Variants in PTPRG observed in about 807,000 individuals in gnomAD.
The protein encoded by PTPRG is receptor-type tyrosine-protein phosphatase gamma.
Under a neutral mutation model 165.3 loss-of-function variants are expected in PTPRG, and 102 were observed. That is an observed-to-expected ratio of 0.62 (90% CI 0.53 to 0.73). The LOEUF (loss-of-function observed/expected upper bound fraction) is 0.73. Ranked by LOEUF, PTPRG falls within the 30% of genes least tolerant of loss-of-function variation. The pLI, the probability that PTPRG is intolerant of heterozygous loss-of-function variation, is 0.00. For synonymous variants in PTPRG, 675 were observed against 669.5 expected, an observed-to-expected ratio of 1.01 and a Z score of -0.13; for missense variants, 1,866 against 1,861.4, an observed-to-expected ratio of 1.00 and a Z score of -0.05.
At chr3:61,869,469 G>A (rs962161823) in intron 2 of PTPRG, among the ~76,000 whole-genome samples, 1 of 152,056 alleles carries the variant, frequency 6.6e-6, no homozygotes, top group Non-Finnish European at 1.5e-5. Context: ...TTTCAAGATG[G>A]CTCCAGTGGC....
chr3:61,572,048 T>G (rs1403787926), intron 1 of PTPRG, among the ~76,000 whole-genome samples: 3 of 152,226 alleles, frequency 2.0e-5, no homozygotes, highest in Non-Finnish European at 4.4e-5. Flanking sequence ...TTTTGCAGTA[T>G]GCAAGTCAGA....
At chr3:61,733,572 A>T (rs1295251788) in intron 1 of PTPRG, among the ~76,000 whole-genome samples, 1 of 152,226 alleles carries the variant, frequency 6.6e-6, no homozygotes, top group Non-Finnish European at 1.5e-5. Context: ...ACCTATCACC[A>T]GCACCATTAC....
intron 5 of PTPRG, among the ~76,000 whole-genome samples, chr3:62,116,590 T>A (rs1222884135): frequency 1.3e-5 from 2 of 152,182 alleles, no homozygotes; most frequent in East Asian, 3.8e-4. Flanking sequence ...TTTCCATTAA[T>A]GCCTATGGAA....
intron 2 of PTPRG, among the ~76,000 whole-genome samples, chr3:61,871,351 C>T (rs1010983186): frequency 6.6e-6 from 1 of 151,988 alleles, no homozygotes; most frequent in South Asian, 2.1e-4. Flanking sequence ...CCTCAGCCTC[C>T]CAAGTAGATG....
At chr3:61,644,168 G>A (rs1029208444) in intron 1 of PTPRG, among the ~76,000 whole-genome samples, 1 of 152,182 alleles carries the variant, frequency 6.6e-6, no homozygotes, top group African/African-American at 2.4e-5. Flanking sequence ...TACTGTGTCA[G>A]GCCTCTGTCT....
rs867058723 is a variant in PTPRG, at chr3:62,222,207, A to G, written c.2288+3224A>G. On this transcript the variant is annotated intron_variant, in intron 13 of 29. Coordinates refer to ENST00000474889, the MANE Select transcript of PTPRG (RefSeq NM_002841.4). This position sits in a 1 kb window ranked among gnomAD's most constrained non-coding sequence, Gnocchi z 4.5. Reference sequence around the variant, plus strand: ...TCAAAATGCCTTAAAGCTCAAGGGGAAAAAAAAAAGTTTGATTCATGGAAT... The same window carrying G: ...TCAAAATGCCTTAAAGCTCAAGGGGGAAAAAAAAAGTTTGATTCATGGAAT... Among the ~76,000 whole-genome samples, 15 of 150,508 alleles carry G rather than the reference A, an allele frequency of 1.0e-4. No homozygotes were observed. Among genetic ancestry groups the G allele is most frequent in the Non-Finnish European group, 1.9e-4 (13 of 67,368 alleles).
chr3:61,810,384 A>G (rs2035538711), intron 2 of PTPRG, among the ~76,000 whole-genome samples: 2 of 152,198 alleles, frequency 1.3e-5, no homozygotes, highest in Non-Finnish European at 2.9e-5. Flanking sequence ...GATGACAGTA[A>G]AACCCTAAGA....
chr3:61,793,057 A>G lies in PTPRG; in HGVS notation c.190+44075A>G, dbSNP rs569978718. Among the ~76,000 whole-genome samples the G allele has an allele frequency of 5.3e-5, 8 of 152,316 alleles. No individual in the cohort carries two copies. The South Asian group carries it at 1.4e-3, about 28-fold the overall frequency. Reference sequence around the variant, plus strand: ...GAGAGTGGCACAAGAAATATAAGATAGGAAATATAAACAAGTGGAGGAAAG... The same window carrying G: ...GAGAGTGGCACAAGAAATATAAGATGGGAAATATAAACAAGTGGAGGAAAG... On this transcript the variant is annotated intron_variant, in intron 2 of 29. Transcript: ENST00000474889.
At chr3:61,968,406 C>G (rs1204862627) in intron 2 of PTPRG, among the ~76,000 whole-genome samples, 1 of 152,096 alleles carries the variant, frequency 6.6e-6, no homozygotes, top group Non-Finnish European at 1.5e-5. Context: ...GGATATGAAG[C>G]CCATCTGTGC....
intron 2 of PTPRG, among the ~76,000 whole-genome samples, chr3:61,917,470 A>G (rs1416915128): frequency 6.6e-6 from 1 of 152,002 alleles, no homozygotes; most frequent in African/African-American, 2.4e-5. Context: ...ATCACACCCT[A>G]CCTTAGTGTG....
At chr3:61,755,173 A>G (rs1449540066) in intron 2 of PTPRG, among the ~76,000 whole-genome samples, 1 of 151,860 alleles carries the variant, frequency 6.6e-6, no homozygotes, top group Non-Finnish European at 1.5e-5. Flanking sequence ...ACGCCCGACT[A>G]ATTTTTGTAT....
At chr3:62,223,298 T>A (rs965053871) in intron 13 of PTPRG, among the ~76,000 whole-genome samples, 7 of 152,176 alleles carry the variant, frequency 4.6e-5, no homozygotes, top group Admixed American at 3.9e-4. Flanking sequence ...AGCCTGGATT[T>A]GGAGCCACAC....
intron 15 of PTPRG, among the ~76,000 whole-genome samples, chr3:62,248,802 C>T (rs1289797594): frequency 4.6e-5 from 7 of 152,112 alleles, no homozygotes; most frequent in African/African-American, 1.2e-4. Flanking sequence ...AAGAGCATTA[C>T]AAAACAAAAT....
chr3:61,916,697 A>G (rs2107551075), intron 2 of PTPRG, among the ~76,000 whole-genome samples: 1 of 152,256 alleles, frequency 6.6e-6, no homozygotes, highest in South Asian at 2.1e-4. Context: ...TACATGTTCA[A>G]AATCTATTTT....
At chr3:61,973,981 T>G (rs1385310323) in intron 2 of PTPRG, among the ~76,000 whole-genome samples, 2 of 152,190 alleles carry the variant, frequency 1.3e-5, no homozygotes, top group Non-Finnish European at 2.9e-5. Flanking sequence ...TCAGAGATTT[T>G]TTTTTCATGG....
At chr3:61,646,959 A>T (rs897245420) in intron 1 of PTPRG, among the ~76,000 whole-genome samples, 9 of 152,208 alleles carry the variant, frequency 5.9e-5, no homozygotes, top group Non-Finnish European at 8.8e-5. Flanking sequence ...TTTATTCCTG[A>T]GCAGTATTCC....
At chr3:61,957,024 CTT>C (rs1273386648) in intron 2 of PTPRG, among the ~76,000 whole-genome samples, 1 of 152,180 alleles carries the variant, frequency 6.6e-6, no homozygotes, top group South Asian at 2.1e-4. Context: ...AACTTGAAGT[CTT>C]TCCCTTGTAT....
chr3:62,200,241 ATTATT>A (rs1478983108), intron 10 of PTPRG, among the ~76,000 whole-genome samples: 30 of 152,170 alleles, frequency 2.0e-4, no homozygotes, highest in African/African-American at 6.7e-4. Flanking sequence ...TAAGATAGTA[ATTATT>A]TTATTTTATT....
intron 2 of PTPRG, among the ~76,000 whole-genome samples, chr3:61,923,856 A>T (rs549896989): frequency 2.0e-5 from 3 of 151,534 alleles, no homozygotes; most frequent in South Asian, 2.1e-4. Context: ...TTCTATCACT[A>T]TGCTATTATG....
Sources: gnomAD v4.1 joint callset for allele counts (sites outside exome capture counted in the v4.1 genomes callset) on GRCh38, gnomAD v4.1.1 for gene constraint, Gnocchi (gnomAD v3.1) non-coding constraint, MANE v1.5 for transcripts, NCBI Gene and HGNC (gene_info 2026-07-23, HGNC 2026-07-21) for gene names.